The following RIMS2 variants were observed in gnomAD, a reference collection of about 807,000 sequenced individuals.
RIMS2 encodes regulating synaptic membrane exocytosis 2, also known as regulating synaptic membrane exocytosis protein 2.
A neutral mutation model predicts 174.4 loss-of-function variants in RIMS2; 59 were observed. The observed-to-expected ratio is 0.34, with a 90% CI of 0.27 to 0.42. The LOEUF (loss-of-function observed/expected upper bound fraction) is 0.42, where lower values mean the gene tolerates loss of function less well. Among genes scored for constraint, RIMS2 ranks in the 10% least tolerant of loss-of-function variants. The probability of loss-of-function intolerance (pLI) is 1.00; values close to 1 mark genes in which losing one functional copy is unlikely to be tolerated. For missense variants in RIMS2, 1,620 were observed against 1,666.3 expected, an observed-to-expected ratio of 0.97 and a Z score of 0.48; for synonymous variants, 606 against 572.5, an observed-to-expected ratio of 1.06 and a Z score of -0.84.
Position 103,912,158 on chromosome 8 carries a change from A to G in RIMS2, c.1798A>G (p.Met600Val), listed in dbSNP as rs200587950. Residue 600 changes from methionine (M) to valine (V), a missense_variant, in exon 6 of 24, where the codon ATG (methionine) becomes GTG (valine). Met to Val is a conservative substitution (Grantham distance 21). This residue lies in a region of RIMS2 where 1,395 missense variants were observed against 1,360.1 expected (regional missense o/e 1.03). Coordinates refer to ENST00000504942, the Ensembl canonical transcript of RIMS2. Reference sequence around the variant, plus strand: ...AAGTGTACCTCGAGATTCAGGAGCAATGCTTGGCTTGAAGGTATGTAATAA... The same window carrying G: ...AAGTGTACCTCGAGATTCAGGAGCAGTGCTTGGCTTGAAGGTATGTAATAA... The G allele has an allele frequency of 5.6e-6, 9 of 1,607,632 alleles. No individual in the cohort carries two copies. The African/African-American group carries it at 1.1e-4, about 19-fold the overall frequency.
intron 19 of RIMS2, among the ~76,000 whole-genome samples, chr8:104,141,806 C>G (rs1566651299): frequency 6.6e-6 from 1 of 152,188 alleles, no homozygotes; most frequent in Non-Finnish European, 1.5e-5. Context: ...GTTCATCATT[C>G]AGGGCTCAGC....
intron 2 of RIMS2, among the ~76,000 whole-genome samples, chr8:103,743,221 G>T (rs544333683): frequency 1.1e-4 from 17 of 152,174 alleles, no homozygotes; most frequent in African/African-American, 4.1e-4. Flanking sequence ...ATCTACAAAT[G>T]CATTCTATAT....
intron 1 of RIMS2, among the ~76,000 whole-genome samples, chr8:103,555,459 T>G (rs1849980145): frequency 6.6e-6 from 1 of 151,992 alleles, no homozygotes; most frequent in Admixed American, 6.6e-5. Context: ...AGTATGGAGG[T>G]TCCTCAACAA....
chr8:104,231,888 CT>C (rs1485064452), intron 19 of RIMS2, among the ~76,000 whole-genome samples: 1 of 152,162 alleles, frequency 6.6e-6, no homozygotes, highest in East Asian at 1.9e-4. Context: ...CACTAGCCAC[CT>C]TTCAGGTGTT....
At chr8:103,950,292 A>G (rs879735483) in intron 14 of RIMS2, among the ~76,000 whole-genome samples, 2 of 152,190 alleles carry the variant, frequency 1.3e-5, no homozygotes, top group African/African-American at 4.8e-5. Context: ...CATTACTCTA[A>G]TACCAACAAC....
chr8:104,134,864 T>C (rs1566611513), intron 19 of RIMS2, among the ~76,000 whole-genome samples: 1 of 152,190 alleles, frequency 6.6e-6, no homozygotes, highest in Non-Finnish European at 1.5e-5. Context: ...TCATCCTAAA[T>C]GTGTTGTTCT....
At chr8:103,973,130 G>C (rs2093064793) in intron 15 of RIMS2, among the ~76,000 whole-genome samples, 1 of 152,176 alleles carries the variant, frequency 6.6e-6, no homozygotes, top group Admixed American at 6.5e-5. Context: ...ACTGCTATCA[G>C]CTTCATTTTC....
At chr8:103,563,772 A>G (rs1587837148) in intron 1 of RIMS2, among the ~76,000 whole-genome samples, 3 of 152,202 alleles carry the variant, frequency 2.0e-5, no homozygotes, top group African/African-American at 2.4e-5. Context: ...AAGAGGTTTA[A>G]TGGACTTACA....
chr8:104,164,427 A>G (rs565868427), intron 19 of RIMS2, among the ~76,000 whole-genome samples: 1 of 152,360 alleles, frequency 6.6e-6, no homozygotes, highest in East Asian at 1.9e-4. Flanking sequence ...AAATAAGGAC[A>G]AAAATGTTTT....
chr8:103,960,510 T>A (rs187267856), intron 14 of RIMS2, among the ~76,000 whole-genome samples: 27 of 152,328 alleles, frequency 1.8e-4, no homozygotes, highest in Non-Finnish European at 3.8e-4. Flanking sequence ...TACATAGTTT[T>A]TTTAAAAAGG....
chr8:104,255,332 T>TTGTTTCTTTGTTGTTCATTCC (rs2099366319), downstream of RIMS2: 1 of 151,950 alleles, frequency 6.6e-6, no homozygotes, highest in African/African-American at 2.4e-5. Context: ...CTCTAGTGAA[T>TTGTTTCTTTGTTGTTCATTCC]TGTTTCTTTG....
chr8:104,205,428 G>A (rs182191758), intron 19 of RIMS2, among the ~76,000 whole-genome samples: 3 of 152,072 alleles, frequency 2.0e-5, no homozygotes, highest in Admixed American at 2.0e-4. Context: ...GTAATTTTTT[G>A]AAAATGGTTT....
intron 1 of RIMS2, among the ~76,000 whole-genome samples, chr8:103,638,123 A>G (rs2096132351): frequency 6.6e-6 from 1 of 152,064 alleles, no homozygotes; most frequent in Admixed American, 6.5e-5. Flanking sequence ...CTGTAAAGTT[A>G]TAATTGTTTC....
intron 19 of RIMS2, among the ~76,000 whole-genome samples, chr8:104,181,314 A>G (rs1586717852): frequency 6.6e-6 from 1 of 151,654 alleles, no homozygotes; most frequent in Non-Finnish European, 1.5e-5. Context: ...TTATGAAAAG[A>G]TACACTTAGA....
chr8:103,975,152 G>C (rs1298455330), intron 15 of RIMS2, among the ~76,000 whole-genome samples, 198 bp from the exon 18 acceptor site: 1 of 151,998 alleles, frequency 6.6e-6, no homozygotes, highest in Non-Finnish European at 1.5e-5. Flanking sequence ...CTAAATATTT[G>C]AATATCTGTC....
At chr8:103,620,801 T>C (rs2095616693) in intron 1 of RIMS2, among the ~76,000 whole-genome samples, 2 of 152,328 alleles carry the variant, frequency 1.3e-5, no homozygotes, top group South Asian at 4.1e-4. Context: ...TAGTGGTTAC[T>C]CAGTAAATAA....
At chr8:103,587,699 T>TAA (rs1489227955) in intron 1 of RIMS2, among the ~76,000 whole-genome samples, 2 of 152,042 alleles carry the variant, frequency 1.3e-5, no homozygotes, top group African/African-American at 4.8e-5. Flanking sequence ...AAGCATTTGA[T>TAA]AAAATTCAGC....
At chr8:103,755,183 T>C (rs1204425357) in intron 2 of RIMS2, among the ~76,000 whole-genome samples, 1 of 152,192 alleles carries the variant, frequency 6.6e-6, no homozygotes, top group African/African-American at 2.4e-5. Flanking sequence ...CTGCTTCACT[T>C]ATAAAATTTA....
At chr8:104,057,271 T>A (rs556927082) in intron 19 of RIMS2, among the ~76,000 whole-genome samples, 26 of 152,092 alleles carry the variant, frequency 1.7e-4, no homozygotes, top group Middle Eastern at 3.4e-3. Context: ...TCTCACTTTG[T>A]TGCCTAGGCT....
Sources: allele counts gnomAD v4.1 joint callset (sites outside exome capture counted in the v4.1 genomes callset), GRCh38; gene constraint gnomAD v4.1.1; regional missense constraint gnomAD v4.1.1; transcripts MANE v1.5; gene names NCBI Gene and HGNC (gene_info 2026-07-23, HGNC 2026-07-21).